Variants in SUGCT observed in about 807,000 individuals in gnomAD.
SUGCT encodes the protein succinyl-CoA:glutarate-CoA transferase, also known as succinyl-CoA:glutarate CoA-transferase.
Under a neutral mutation model 55.0 loss-of-function variants are expected in SUGCT, and 41 were observed. The ratio of observed to expected loss-of-function variants is 0.74; its 90% CI spans 0.58 to 0.97. The LOEUF (loss-of-function observed/expected upper bound fraction) is 0.97, where lower values mean the gene tolerates loss of function less well. Among genes scored for constraint, SUGCT ranks in the 50% least tolerant of loss-of-function variants. The probability of loss-of-function intolerance (pLI) is 0.00; values close to 1 mark genes in which losing one functional copy is unlikely to be tolerated. For synonymous variants in SUGCT, 187 were observed against 200.4 expected (o/e 0.93, Z 0.56); for missense variants, 568 against 547.8 (o/e 1.04, Z -0.37).
At chr7:40,677,898 C>T (rs1784072514) in intron 12 of SUGCT, among the ~76,000 whole-genome samples, 1 of 152,120 alleles carries the variant, frequency 6.6e-6, no homozygotes, top group East Asian at 1.9e-4. Context: ...ACATGTTGGC[C>T]TGGGCTGCAC....
intron 11 of SUGCT, among the ~76,000 whole-genome samples, chr7:40,477,548 C>T (rs1283782870): frequency 6.6e-6 from 1 of 152,112 alleles, no homozygotes; most frequent in African/African-American, 2.4e-5. Flanking sequence ...ATTTTCTATC[C>T]TATGCCTCTT....
chr7:40,612,448 C>T (rs1276078851), intron 12 of SUGCT, among the ~76,000 whole-genome samples: 1 of 152,202 alleles, frequency 6.6e-6, no homozygotes, highest in Non-Finnish European at 1.5e-5. Flanking sequence ...ACCCAGCCAC[C>T]ACACAAACAA....
chr7:40,790,295 C>A (rs188463961), intron 13 of SUGCT, among the ~76,000 whole-genome samples: 1 of 152,254 alleles, frequency 6.6e-6, no homozygotes, highest in East Asian at 1.9e-4. Flanking sequence ...GGCACTTCTC[C>A]TTGCTGCTGC....
intron 12 of SUGCT, among the ~76,000 whole-genome samples, chr7:40,732,515 G>A (rs924432650): frequency 2.6e-5 from 4 of 152,174 alleles, no homozygotes; most frequent in African/African-American, 9.7e-5. Context: ...GCAAAGTAAG[G>A]TGGGCATCGG....
At chr7:40,256,215 C>A (rs186112712) in intron 7 of SUGCT, among the ~76,000 whole-genome samples, 53 of 152,252 alleles carry the variant, frequency 3.5e-4, no homozygotes, top group African/African-American at 1.2e-3. Context: ...AATTTCTTTT[C>A]CCCTGACATT....
intron 12 of SUGCT, among the ~76,000 whole-genome samples, chr7:40,612,928 T>A (rs1409567124): frequency 1.3e-5 from 2 of 151,656 alleles, no homozygotes; most frequent in Non-Finnish European, 2.9e-5. Context: ...AGGTTAGGAG[T>A]TCGAGAACAG....
the SUGCT span, among the ~76,000 whole-genome samples, chr7:40,947,688 T>C: frequency 2.6e-5 from 4 of 152,338 alleles, no homozygotes; most frequent in African/African-American, 9.6e-5. Context: ...ACTAATTAAA[T>C]GAAGTCTATA....
intron 12 of SUGCT, among the ~76,000 whole-genome samples, chr7:40,641,915 G>A (rs535539714): frequency 4.2e-4 from 64 of 152,220 alleles, no homozygotes; most frequent in African/African-American, 1.4e-3. Flanking sequence ...ACCACAAAAC[G>A]TTAGGGGAGG....
At chr7:40,914,155 A>G in the SUGCT span, among the ~76,000 whole-genome samples, 50,928 of 151,064 alleles carry the variant, frequency 0.34, 9,660 homozygotes, top group Admixed American at 0.46. Flanking sequence ...CCCCTCTTTC[A>G]GTCCCTAATG....
At chr7:40,913,009 T>C in the SUGCT span, among the ~76,000 whole-genome samples, 6 of 69,758 alleles carry the variant, frequency 8.6e-5, no homozygotes, top group Non-Finnish European at 1.3e-4. Context: ...CTGGATCCAA[T>C]TTTTTTTTTT....
the SUGCT span, among the ~76,000 whole-genome samples, chr7:40,953,341 T>A: frequency 2.6e-5 from 4 of 152,212 alleles, no homozygotes; most frequent in African/African-American, 7.2e-5. Flanking sequence ...GTTATTCTAG[T>A]TAGCCATTTG....
intron 12 of SUGCT, among the ~76,000 whole-genome samples, chr7:40,558,315 C>G (rs1041864759): frequency 1.3e-5 from 2 of 152,076 alleles, no homozygotes; most frequent in Admixed American, 6.5e-5. Flanking sequence ...TACTTGTATA[C>G]CAGTGATCAT....
chr7:40,552,496 G>A (rs747244620), intron 12 of SUGCT, among the ~76,000 whole-genome samples: 25 of 152,124 alleles, frequency 1.6e-4, no homozygotes, highest in Non-Finnish European at 3.1e-4. Context: ...TGCGAGGACA[G>A]CTGGAATGGC....
chr7:40,858,565 G>A (rs904763667), intron 13 of SUGCT, among the ~76,000 whole-genome samples: 10 of 151,912 alleles, frequency 6.6e-5, no homozygotes, highest in African/African-American at 2.4e-4. Flanking sequence ...TTTGATAGAC[G>A]GGTTTTAGAT....
intron 12 of SUGCT, among the ~76,000 whole-genome samples, chr7:40,590,563 T>C (rs1243160034): frequency 6.6e-6 from 1 of 152,210 alleles, no homozygotes; most frequent in Admixed American, 6.5e-5. Flanking sequence ...GCTAAGATAA[T>C]TGATGAAGGT....
At chr7:40,691,245 G>A (rs1031608723) in intron 12 of SUGCT, among the ~76,000 whole-genome samples, 3 of 152,006 alleles carry the variant, frequency 2.0e-5, no homozygotes, top group South Asian at 2.1e-4. Flanking sequence ...TTTCTCTTAC[G>A]AACCTACAGT....
chr7:40,621,047 A>C (rs188280748), intron 12 of SUGCT, among the ~76,000 whole-genome samples: 18 of 152,298 alleles, frequency 1.2e-4, no homozygotes, highest in African/African-American at 4.3e-4. Flanking sequence ...TCAGCGAGTA[A>C]AACAGTTCTC....
intron 9 of SUGCT, among the ~76,000 whole-genome samples, chr7:40,344,800 C>T (rs1424288303): frequency 6.6e-6 from 1 of 152,126 alleles, no homozygotes; most frequent in Non-Finnish European, 1.5e-5. Context: ...ATTTCCCTTT[C>T]CTCTTTATGT....
At chr7:40,407,663 C>T (rs1415190033) in intron 9 of SUGCT, among the ~76,000 whole-genome samples, 2 of 151,984 alleles carry the variant, frequency 1.3e-5, no homozygotes, top group African/African-American at 4.8e-5. Context: ...TTTGGCACTC[C>T]TCTGCAAAAG....
Sources: allele counts gnomAD v4.1 joint callset (sites outside exome capture counted in the v4.1 genomes callset), GRCh38; gene constraint gnomAD v4.1.1; transcripts MANE v1.5; gene names NCBI Gene and HGNC (gene_info 2026-07-23, HGNC 2026-07-21).